CAMKMT: variants seen among roughly 807,000 people sequenced by gnomAD.
The protein encoded by CAMKMT is calmodulin-lysine N-methyltransferase.
Under a neutral mutation model 48.0 loss-of-function variants are expected in CAMKMT, and 53 were observed. The ratio of observed to expected loss-of-function variants is 1.10; its 90% CI spans 0.89 to 1.39. The LOEUF (loss-of-function observed/expected upper bound fraction) is 1.39, where lower values mean the gene tolerates loss of function less well. CAMKMT is among the 40% of genes most tolerant of loss of function. The pLI is 0.00. For synonymous variants in CAMKMT, 165 were observed against 152.3 expected (o/e 1.08, Z -0.61); for missense variants, 428 against 402.7 (o/e 1.06, Z -0.54).
intron 7 of CAMKMT, among the ~76,000 whole-genome samples, chr2:44,719,879 A>T (rs148528132): frequency 1.1e-4 from 17 of 152,364 alleles, no homozygotes; most frequent in Admixed American, 3.3e-4. Flanking sequence ...GGCTCTCTTT[A>T]AGAAATTTTC....
At chr2:44,582,045 A>G (rs756354248) in intron 3 of CAMKMT, among the ~76,000 whole-genome samples, 7 of 152,378 alleles carry the variant, frequency 4.6e-5, no homozygotes, top group East Asian at 1.9e-4. Flanking sequence ...TGTTTTGTTT[A>G]TATGAAAAAA....
At position 44,413,699 on chromosome 2, in the gene CAMKMT, G is replaced by T. The variant is rs35496735; in HGVS notation, c.376+23394G>T. Among the ~76,000 whole-genome samples the T allele has an allele frequency of 9.6e-3, 1,452 of 151,584 alleles. 8 individuals are homozygous for T. The highest frequency in any genetic ancestry group is 0.014 in the Non-Finnish European group (971 of 67,900). ...AAAGAAATTTAAGAAATGGATCCAT[G>T]GGAAATATATACATTTGTTGAATTG... is the stretch of plus-strand genomic sequence containing the variant. On this transcript the variant is annotated intron_variant, in intron 3 of 10. Coordinates refer to ENST00000378494, the MANE Select transcript of CAMKMT (RefSeq NM_024766.5).
At chr2:44,608,262 C>T (rs1176764616) in intron 3 of CAMKMT, among the ~76,000 whole-genome samples, 4 of 151,762 alleles carry the variant, frequency 2.6e-5, no homozygotes, top group Non-Finnish European at 5.9e-5. Flanking sequence ...TTAGTAGAGA[C>T]GGGGTTTCAC....
chr2:44,711,290 A>G (rs546615560), intron 6 of CAMKMT, among the ~76,000 whole-genome samples: 13 of 152,306 alleles, frequency 8.5e-5, no homozygotes, highest in East Asian at 7.7e-4. Context: ...AATTCAACCA[A>G]TATTAATGGC....
intron 3 of CAMKMT, among the ~76,000 whole-genome samples, chr2:44,673,875 A>G (rs1408305576): frequency 6.6e-6 from 1 of 152,206 alleles, no homozygotes; most frequent in East Asian, 1.9e-4. Context: ...ACAGCCGAGC[A>G]TAATGGAACA....
intron 3 of CAMKMT, among the ~76,000 whole-genome samples, chr2:44,429,894 T>C (rs1470132382): frequency 6.6e-6 from 1 of 151,718 alleles, no homozygotes; most frequent in Admixed American, 6.6e-5. Flanking sequence ...AGGGTCTCAT[T>C]ATATGATCTT....
intron 3 of CAMKMT, among the ~76,000 whole-genome samples, chr2:44,643,884 A>G (rs1215360552): frequency 2.6e-5 from 4 of 152,208 alleles, no homozygotes; most frequent in Non-Finnish European, 4.4e-5. Flanking sequence ...TTAATACATT[A>G]TAATAAAACA....
intron 3 of CAMKMT, among the ~76,000 whole-genome samples, chr2:44,429,025 G>A (rs1284880361): frequency 6.6e-6 from 1 of 152,160 alleles, no homozygotes; most frequent in South Asian, 2.1e-4. Context: ...TGAAATATAG[G>A]TTGGAATCAT....
intron 3 of CAMKMT, among the ~76,000 whole-genome samples, chr2:44,436,340 A>C (rs1271971819): frequency 6.6e-6 from 1 of 152,068 alleles, no homozygotes; most frequent in East Asian, 1.9e-4. Context: ...AGCCTCCCAA[A>C]GTGCTGGGAT....
At chr2:44,576,847 C>T (rs1669249653) in intron 3 of CAMKMT, among the ~76,000 whole-genome samples, 2 of 152,204 alleles carry the variant, frequency 1.3e-5, no homozygotes, top group African/African-American at 4.8e-5. Context: ...TAAATAGCCC[C>T]ATGGCTTCAA....
chr2:44,395,025 G>A (rs755398454), intron 3 of CAMKMT: 1 of 442,898 alleles, frequency 2.3e-6, no homozygotes. Context: ...TTATCTTCCT[G>A]GTTTTTCTAG....
intron 3 of CAMKMT, among the ~76,000 whole-genome samples, chr2:44,420,093 T>G (rs1431846887): frequency 6.6e-6 from 1 of 152,200 alleles, no homozygotes; most frequent in Non-Finnish European, 1.5e-5. Context: ...GATAATTATA[T>G]GTAAAGATTT....
intron 3 of CAMKMT, among the ~76,000 whole-genome samples, chr2:44,469,320 C>G (rs1251651720): frequency 6.7e-6 from 1 of 149,926 alleles, no homozygotes; most frequent in Non-Finnish European, 1.5e-5. Flanking sequence ...GTGTCTTAAT[C>G]TATTTGGCTG....
intron 2 of CAMKMT, among the ~76,000 whole-genome samples, chr2:44,387,231 T>C (rs1232716970): frequency 6.6e-6 from 1 of 152,194 alleles, no homozygotes; most frequent in Non-Finnish European, 1.5e-5. Context: ...GATCGTGATA[T>C]TTTCCTGTTG....
intron 3 of CAMKMT, among the ~76,000 whole-genome samples, chr2:44,586,189 G>T (rs1669848285): frequency 6.6e-6 from 1 of 152,098 alleles, no homozygotes; most frequent in Non-Finnish European, 1.5e-5. Flanking sequence ...TTTAGTTTAA[G>T]GGTTCCAAAA....
chr2:44,496,813 G>A (rs559028115), intron 3 of CAMKMT, among the ~76,000 whole-genome samples: 1 of 152,244 alleles, frequency 6.6e-6, no homozygotes, highest in South Asian at 2.1e-4. Flanking sequence ...GTTCTACTGG[G>A]TATTTAAGTC....
At chr2:44,650,843 T>C (rs1255708148) in intron 3 of CAMKMT, among the ~76,000 whole-genome samples, 2 of 119,926 alleles carry the variant, frequency 1.7e-5, no homozygotes, top group Non-Finnish European at 3.8e-5. Flanking sequence ...GTAAAACTTA[T>C]TGCACAAGAA....
At chr2:44,466,828 AC>A (rs1263337837) in intron 3 of CAMKMT, among the ~76,000 whole-genome samples, 1 of 152,234 alleles carries the variant, frequency 6.6e-6, no homozygotes, top group Admixed American at 6.5e-5. Context: ...AGCAGACAAA[AC>A]AACGGATGCC....
At chr2:44,432,128 A>C (rs1037086501) in intron 3 of CAMKMT, among the ~76,000 whole-genome samples, 1 of 152,176 alleles carries the variant, frequency 6.6e-6, no homozygotes, top group Non-Finnish European at 1.5e-5. Flanking sequence ...ACAGAGAAAT[A>C]AGAATGTTTA....
Sources: gnomAD v4.1 joint callset for allele counts (sites outside exome capture counted in the v4.1 genomes callset) on GRCh38, gnomAD v4.1.1 for gene constraint, MANE v1.5 for transcripts, NCBI Gene and HGNC (gene_info 2026-07-23, HGNC 2026-07-21) for gene names.